Variants in GALNTL6 observed in about 807,000 individuals in gnomAD.
GALNTL6 encodes polypeptide N-acetylgalactosaminyltransferase-like 6.
Under a neutral mutation model 73.7 loss-of-function variants are expected in GALNTL6, and 46 were observed. The observed-to-expected ratio is 0.62, with a 90% CI of 0.49 to 0.80. The LOEUF (loss-of-function observed/expected upper bound fraction) is 0.80. Ranked by LOEUF, GALNTL6 falls within the 30% of genes least tolerant of loss-of-function variation. The pLI, the probability that GALNTL6 is intolerant of heterozygous loss-of-function variation, is 0.00. For synonymous variants in GALNTL6, 259 were observed against 263.7 expected (o/e 0.98, Z 0.17); for missense variants, 604 against 755.0 (o/e 0.80, Z 2.34).
At chr4:172,203,126 G>A (rs767546444) in intron 2 of GALNTL6, among the ~76,000 whole-genome samples, 3 of 152,148 alleles carry the variant, frequency 2.0e-5, no homozygotes, top group Non-Finnish European at 2.9e-5. Context: ...TTGAAGTTCA[G>A]ACTAAACAGC....
At chr4:172,196,275 T>A (rs1182456058) in intron 2 of GALNTL6, among the ~76,000 whole-genome samples, 1 of 152,114 alleles carries the variant, frequency 6.6e-6, no homozygotes, top group Admixed American at 6.5e-5. Flanking sequence ...AATAGACCAA[T>A]AATGAATTCT....
chr4:172,277,335 G>A (rs1224649057), intron 3 of GALNTL6, among the ~76,000 whole-genome samples: 1 of 152,098 alleles, frequency 6.6e-6, no homozygotes, highest in East Asian at 1.9e-4. Flanking sequence ...TTAATGGGTT[G>A]ACGCTGTTGT....
rs553126199 is a variant in GALNTL6, at chr4:173,004,279, C to A, written c.1372-4899C>A. Among the ~76,000 whole-genome samples, 8 of 152,262 alleles carry A rather than the reference C, an allele frequency of 5.3e-5. No homozygotes were observed. In the East Asian group the frequency reaches 1.5e-3, roughly 29 times the overall value. On this transcript the variant is annotated intron_variant, in intron 10 of 12. Coordinates refer to ENST00000506823, the MANE Select transcript of GALNTL6 (RefSeq NM_001034845.3). ...TCCATCCAGTTCTCTTTCTGTGTTA[C>A]CCTAGTGTCTTCTGTCTTTCCAGCT...
At chr4:172,113,085 C>A (rs1732898703) in intron 2 of GALNTL6, among the ~76,000 whole-genome samples, 1 of 150,574 alleles carries the variant, frequency 6.6e-6, no homozygotes, top group Admixed American at 6.6e-5. Flanking sequence ...AGGTAAATTT[C>A]TTGTTAAGGG....
chr4:172,376,023 C>T (rs1393134411), intron 5 of GALNTL6, among the ~76,000 whole-genome samples: 1 of 152,154 alleles, frequency 6.6e-6, no homozygotes, highest in African/African-American at 2.4e-5. Context: ...CCATATCCTA[C>T]CTTCAGGAAT....
rs1737685824 is a variant in GALNTL6 at position 172,592,666 on chromosome 4, GTCTGTCTATCTATCTA to G, written c.554-216691_554-216676del. ...TACTCAAATCTATATCTGTCTGTCT[GTCTGTCTATCTATCTA>G]TCTATCTATCTATCTATCTATCTAT... On this transcript the variant is annotated intron_variant, in intron 5 of 12. Transcript: ENST00000506823. Among the ~76,000 whole-genome samples, 3 of 109,296 alleles carry G rather than the reference GTCTGTCTATCTATCTA, an allele frequency of 2.7e-5. No individual in the cohort carries two copies. The South Asian group carries it at 8.8e-4, about 32-fold the overall frequency. The allele number at this position is 109,296 out of a possible 152,430, so 71.7% of individuals were successfully genotyped here. A position where few individuals can be genotyped will look rare whatever the true frequency, so the allele number is the denominator to read the frequency against.
intron 2 of GALNTL6, among the ~76,000 whole-genome samples, chr4:171,850,973 G>A (rs755046654): frequency 1.3e-5 from 2 of 152,092 alleles, no homozygotes; most frequent in African/African-American, 4.8e-5. Flanking sequence ...CAATTCAAGG[G>A]AATATTTATA....
intron 3 of GALNTL6, among the ~76,000 whole-genome samples, chr4:172,236,042 C>A (rs753442295): frequency 4.6e-5 from 7 of 151,992 alleles, no homozygotes; most frequent in Non-Finnish European, 7.4e-5. Context: ...TAAATTTATA[C>A]CTCCTAATTT....
chr4:171,960,040 G>T (rs1382966416), intron 2 of GALNTL6, among the ~76,000 whole-genome samples: 1 of 152,124 alleles, frequency 6.6e-6, no homozygotes, highest in Non-Finnish European at 1.5e-5. Context: ...CTCATTATAG[G>T]TTTAACTAAA....
intron 10 of GALNTL6, among the ~76,000 whole-genome samples, chr4:172,986,648 G>C (rs79565825): frequency 0.069 from 10,496 of 152,252 alleles, 487 homozygotes; most frequent in Non-Finnish European, 0.11. Context: ...TCCCATTCTA[G>C]GAGGTGGCAT....
intron 2 of GALNTL6, among the ~76,000 whole-genome samples, chr4:172,167,549 A>G (rs1734666386): frequency 6.6e-6 from 1 of 152,230 alleles, no homozygotes; most frequent in African/African-American, 2.4e-5. Flanking sequence ...TAATAAAATT[A>G]TTATCAAATG....
chr4:172,714,216 C>G (rs781684490), intron 5 of GALNTL6, among the ~76,000 whole-genome samples: 3 of 152,090 alleles, frequency 2.0e-5, no homozygotes, highest in Non-Finnish European at 2.9e-5. Flanking sequence ...TGAACAAGGA[C>G]AGCTTGGAGG....
intron 5 of GALNTL6, among the ~76,000 whole-genome samples, chr4:172,400,891 C>T (rs1744011573): frequency 6.6e-6 from 1 of 152,048 alleles, no homozygotes; most frequent in Non-Finnish European, 1.5e-5. Context: ...TTCCTGTTTA[C>T]TGAGTAATAC....
intron 5 of GALNTL6, among the ~76,000 whole-genome samples, chr4:172,630,222 C>A (rs1389354060): frequency 6.6e-6 from 1 of 152,096 alleles, no homozygotes; most frequent in Non-Finnish European, 1.5e-5. Flanking sequence ...CATTACAAAC[C>A]TAAAAAGACT....
At position 172,624,534 on chromosome 4, in the gene GALNTL6, A is replaced by G. The variant is rs1739082123; in HGVS notation, c.554-184827A>G. 2.6e-5 allele frequency among the ~76,000 whole-genome samples: 4 copies of G among 152,052 alleles called. No homozygotes were observed. The South Asian group carries it at 8.3e-4, about 31-fold the overall frequency. On this transcript the variant is annotated intron_variant, in intron 5 of 12. Coordinates refer to ENST00000506823, the MANE Select transcript of GALNTL6 (RefSeq NM_001034845.3). Reference sequence around the variant, plus strand: ...TCAAGTTCCTAGAAGAGAGAATCTGAATCAGATTGAATCTGAAATCCATGG... The same window carrying G: ...TCAAGTTCCTAGAAGAGAGAATCTGGATCAGATTGAATCTGAAATCCATGG...
At chr4:172,353,825 C>T (rs956653381) in intron 5 of GALNTL6, among the ~76,000 whole-genome samples, 18 of 151,968 alleles carry the variant, frequency 1.2e-4, no homozygotes. Context: ...ATCCTAGACC[C>T]TTCACAGGGC....
At chr4:172,689,226 T>C (rs916870167) in intron 5 of GALNTL6, among the ~76,000 whole-genome samples, 1 of 152,194 alleles carries the variant, frequency 6.6e-6, no homozygotes, top group African/African-American at 2.4e-5. Context: ...TCATTGGTAA[T>C]AGAGTTATTA....
chr4:173,038,452 A>G (rs929344429), intron 12 of GALNTL6, among the ~76,000 whole-genome samples: 1 of 152,130 alleles, frequency 6.6e-6, no homozygotes, highest in African/African-American at 2.4e-5. Flanking sequence ...GAGAGGGAGG[A>G]GAGAGTTTCT....
chr4:172,086,106 G>C (rs935732948), intron 2 of GALNTL6, among the ~76,000 whole-genome samples: 3 of 151,972 alleles, frequency 2.0e-5, no homozygotes, highest in African/African-American at 7.2e-5. Flanking sequence ...CTCTCGGCTG[G>C]CATTATTTCC....
Sources: gnomAD v4.1 joint callset for allele counts (sites outside exome capture counted in the v4.1 genomes callset) on GRCh38, gnomAD v4.1.1 for gene constraint, MANE v1.5 for transcripts, NCBI Gene and HGNC (gene_info 2026-07-23, HGNC 2026-07-21) for gene names.